ACBD6: variants seen among roughly 807,000 people sequenced by gnomAD.
The protein encoded by ACBD6 is acyl-CoA binding domain containing 6.
A neutral mutation model predicts 37.2 loss-of-function variants in ACBD6; 28 were observed. The ratio of observed to expected loss-of-function variants is 0.75; its 90% CI spans 0.56 to 1.03. ACBD6 has a LOEUF of 1.03. Among genes scored for constraint, ACBD6 ranks in the 50% least tolerant of loss-of-function variants. ACBD6 has a pLI of 0.00. For synonymous variants in ACBD6, 113 were observed against 126.8 expected (o/e 0.89, Z 0.73); for missense variants, 340 against 337.4 (o/e 1.01, Z -0.06).
intron 7 of ACBD6, among the ~76,000 whole-genome samples, chr1:180,292,194 T>A (rs541322121): frequency 2.0e-5 from 3 of 152,306 alleles, no homozygotes; most frequent in African/African-American, 7.2e-5. Context: ...AATCAACTTA[T>A]AAGTTTTTAC....
intron 6 of ACBD6, among the ~76,000 whole-genome samples, chr1:180,322,045 T>C (rs1217706999): frequency 1.3e-5 from 2 of 152,102 alleles, no homozygotes; most frequent in Non-Finnish European, 2.9e-5. Context: ...CTTCTATATC[T>C]AGCTTGTTAA....
chr1:180,294,703 T>G (rs902120595), intron 7 of ACBD6, among the ~76,000 whole-genome samples: 1 of 150,202 alleles, frequency 6.7e-6, no homozygotes, highest in African/African-American at 2.4e-5. Context: ...TGCCTTTTGT[T>G]TTTTTTTTTG....
At chr1:180,430,329 T>C in intron 3 of ACBD6, 67 bp from the exon 4 acceptor site, 1 of 1,284,686 alleles carries the variant, frequency 7.8e-7, no homozygotes, top group Non-Finnish European at 1.1e-6. Context: ...TTTAAATCAG[T>C]TACAAAATGT....
intron 7 of ACBD6, among the ~76,000 whole-genome samples, chr1:180,296,774 G>C (rs928271382): frequency 6.6e-6 from 1 of 151,472 alleles, no homozygotes; most frequent in Non-Finnish European, 1.5e-5. Flanking sequence ...ACTGGAAAAA[G>C]ATGCCATCTA....
chr1:180,338,537 T>C (rs906693246), intron 6 of ACBD6, among the ~76,000 whole-genome samples: 1 of 152,168 alleles, frequency 6.6e-6, no homozygotes, highest in African/African-American at 2.4e-5. Context: ...TCAAGATGGA[T>C]TAAAGACTTA....
intron 3 of ACBD6, among the ~76,000 whole-genome samples, chr1:180,448,459 G>A (rs1649561194): frequency 1.3e-5 from 2 of 151,868 alleles, no homozygotes; most frequent in Admixed American, 1.3e-4. Flanking sequence ...TAAAAATTTT[G>A]GCCCCTAGGA....
At chr1:180,336,343 T>C (rs1651718848) in intron 6 of ACBD6, among the ~76,000 whole-genome samples, 1 of 149,170 alleles carries the variant, frequency 6.7e-6, no homozygotes, top group South Asian at 2.1e-4. Context: ...AAACTAGAAC[T>C]CAGGATTAAG....
chr1:180,420,212 A>G (rs779320740), intron 4 of ACBD6, among the ~76,000 whole-genome samples: 5 of 152,110 alleles, frequency 3.3e-5, no homozygotes, highest in Non-Finnish European at 5.9e-5. Flanking sequence ...TTCAAGATCT[A>G]TATCTTAAAA....
intron 3 of ACBD6, among the ~76,000 whole-genome samples, chr1:180,471,876 G>C (rs1390030619): frequency 6.6e-6 from 1 of 152,162 alleles, no homozygotes; most frequent in African/African-American, 2.4e-5. Context: ...GCATAAAAAT[G>C]ATCAAACAAA....
chr1:180,379,351 G>C (rs1653557789), intron 6 of ACBD6, among the ~76,000 whole-genome samples: 1 of 152,040 alleles, frequency 6.6e-6, no homozygotes, highest in African/African-American at 2.4e-5. Context: ...AAAAAGCAAA[G>C]GAATATGATA....
At chr1:180,347,921 C>T (rs964289387) in intron 6 of ACBD6, among the ~76,000 whole-genome samples, 2 of 151,658 alleles carry the variant, frequency 1.3e-5, no homozygotes, top group African/African-American at 2.4e-5. Context: ...GCCGAGATTG[C>T]GCCACTGGGT....
chr1:180,496,360 T>C (rs1222148003), intron 1 of ACBD6, among the ~76,000 whole-genome samples: 1 of 152,184 alleles, frequency 6.6e-6, no homozygotes, highest in Admixed American at 6.5e-5. Context: ...TTAGAAAGTT[T>C]TGTGTAAAGT....
chr1:180,409,626 C>T (rs1203006748), intron 5 of ACBD6, among the ~76,000 whole-genome samples: 1 of 152,104 alleles, frequency 6.6e-6, no homozygotes, highest in African/African-American at 2.4e-5. Context: ...TTTTGGAGTG[C>T]TACAAACCAC....
chr1:180,442,028 A>G (rs1649300254), intron 3 of ACBD6, among the ~76,000 whole-genome samples: 1 of 152,164 alleles, frequency 6.6e-6, no homozygotes. Flanking sequence ...TTTGAAAGCT[A>G]TTATAACTTA....
chr1:180,296,573 G>A (rs1649927293), intron 7 of ACBD6, among the ~76,000 whole-genome samples: 1 of 152,026 alleles, frequency 6.6e-6, no homozygotes, highest in Admixed American at 6.5e-5. Flanking sequence ...GAGATTACTG[G>A]CCATGTGCCA....
intron 6 of ACBD6, among the ~76,000 whole-genome samples, chr1:180,359,843 A>G (rs1042492289): frequency 6.6e-6 from 1 of 152,198 alleles, no homozygotes; most frequent in Non-Finnish European, 1.5e-5. Flanking sequence ...AGATGAATAA[A>G]TGGCATGTAA....
intron 1 of ACBD6, among the ~76,000 whole-genome samples, chr1:180,499,595 C>T (rs918231667): frequency 1.3e-5 from 2 of 151,964 alleles, no homozygotes; most frequent in Non-Finnish European, 2.9e-5. Flanking sequence ...TGTCCTAGAA[C>T]GAAAAATAAT....
At chr1:180,464,054 C>T (rs965462309) in intron 3 of ACBD6, among the ~76,000 whole-genome samples, 1 of 152,100 alleles carries the variant, frequency 6.6e-6, no homozygotes, top group Admixed American at 6.5e-5. Flanking sequence ...AAACAGACCT[C>T]AAAATAGTAT....
chr1:180,312,232 T>G (rs1050299785), intron 7 of ACBD6, among the ~76,000 whole-genome samples: 2 of 152,224 alleles, frequency 1.3e-5, no homozygotes, highest in African/African-American at 4.8e-5. Context: ...TCCTTCTACT[T>G]AGGTCCTTTA....
Sources: gnomAD v4.1 joint callset for allele counts (sites outside exome capture counted in the v4.1 genomes callset) on GRCh38, gnomAD v4.1.1 for gene constraint, MANE v1.5 for transcripts, NCBI Gene and HGNC (gene_info 2026-07-23, HGNC 2026-07-21) for gene names.